SLC16A10: variants seen among roughly 807,000 people sequenced by gnomAD.
SLC16A10 encodes the protein monocarboxylate transporter 10.
A neutral mutation model predicts 40.0 loss-of-function variants in SLC16A10; 27 were observed. That is an observed-to-expected ratio of 0.67 (90% CI 0.50 to 0.93). SLC16A10 has a LOEUF of 0.93. Ranked by LOEUF, SLC16A10 falls within the 40% of genes least tolerant of loss-of-function variation. The probability of loss-of-function intolerance (pLI) is 0.00; values close to 1 mark genes in which losing one functional copy is unlikely to be tolerated. For synonymous variants in SLC16A10, 213 were observed against 249.8 expected (o/e 0.85, Z 1.39); for missense variants, 529 against 658.2 (o/e 0.80, Z 2.15).
chr6:111,094,806 T>TA (rs1342379186), intron 1 of SLC16A10, among the ~76,000 whole-genome samples: 3 of 152,028 alleles, frequency 2.0e-5, no homozygotes, highest in Admixed American at 6.5e-5. Context: ...GCCGGCTAAT[T>TA]AAAAAAAATT....
chr6:111,230,846 C>G lies in SLC16A10; in HGVS notation c.*8611C>G, dbSNP rs1771104187. Reference sequence around the variant, plus strand: ...GAAAAACACACTTTATCTTAGACACCAAAGCCAAATTATTCCAAGTGTATG... The same window carrying G: ...GAAAAACACACTTTATCTTAGACACGAAAGCCAAATTATTCCAAGTGTATG... On this transcript the variant is annotated 3_prime_UTR_variant, in exon 6 of 6. Coordinates refer to ENST00000368851, the MANE Select transcript of SLC16A10 (RefSeq NM_018593.5). 1 of 151,734 alleles carries G rather than the reference C, an allele frequency of 6.6e-6. No individual in the cohort carries two copies. Among genetic ancestry groups the G allele is most frequent in the Admixed American group, 6.6e-5 (1 of 15,220 alleles). The allele number at this position is 151,734 out of a possible 1,614,324, so 9.4% of individuals were successfully genotyped here.
chr6:111,217,561 T>G (rs1395989805), intron 4 of SLC16A10, among the ~76,000 whole-genome samples: 1 of 151,960 alleles, frequency 6.6e-6, no homozygotes, highest in Admixed American at 6.6e-5. Flanking sequence ...GCCATTCTCC[T>G]GCCTTAGCCT....
chr6:111,107,818 T>A (rs1359937915), intron 1 of SLC16A10, among the ~76,000 whole-genome samples: 2 of 152,206 alleles, frequency 1.3e-5, no homozygotes, highest in Non-Finnish European at 2.9e-5. Context: ...TTGTTGACTT[T>A]CTGGGGAGCC....
intron 1 of SLC16A10, among the ~76,000 whole-genome samples, chr6:111,139,551 C>T (rs768734904): frequency 3.3e-5 from 5 of 152,272 alleles, no homozygotes; most frequent in Admixed American, 6.5e-5. Context: ...CTGCCTGCCT[C>T]GGCCCCCAAA....
intron 2 of SLC16A10, among the ~76,000 whole-genome samples, chr6:111,173,041 C>G (rs1277704682): frequency 6.6e-6 from 1 of 152,014 alleles, no homozygotes; most frequent in Non-Finnish European, 1.5e-5. Context: ...TCTTGTAATG[C>G]CTAAGACTTA....
chr6:111,181,648 A>G (rs1236950715), intron 3 of SLC16A10, among the ~76,000 whole-genome samples: 1 of 152,196 alleles, frequency 6.6e-6, no homozygotes, highest in Non-Finnish European at 1.5e-5. Flanking sequence ...TCTCATTGCT[A>G]TGTTAAAAAT....
chr6:111,213,387 A>G (rs571745497), intron 4 of SLC16A10, among the ~76,000 whole-genome samples: 126 of 152,338 alleles, frequency 8.3e-4, no homozygotes, highest in Middle Eastern at 3.4e-3. Flanking sequence ...AAATATATTC[A>G]TGAGTTACTT....
At chr6:111,099,860 G>A (rs1447578627) in intron 1 of SLC16A10, among the ~76,000 whole-genome samples, 5 of 151,414 alleles carry the variant, frequency 3.3e-5, no homozygotes, top group South Asian at 4.2e-4. Context: ...CCATCTCTAC[G>A]AAAAATGCAA....
chr6:111,116,934 C>T (rs1007903293), intron 1 of SLC16A10, among the ~76,000 whole-genome samples: 8 of 152,248 alleles, frequency 5.3e-5, no homozygotes, highest in African/African-American at 1.7e-4. Flanking sequence ...AAAACTAAAA[C>T]ATTTTAAGCC....
intron 1 of SLC16A10, among the ~76,000 whole-genome samples, chr6:111,096,854 T>C (rs1562395601): frequency 6.6e-6 from 1 of 152,274 alleles, no homozygotes; most frequent in East Asian, 1.9e-4. Context: ...GGTCTTGCTC[T>C]CTTGCTCAGA....
intron 1 of SLC16A10, among the ~76,000 whole-genome samples, chr6:111,097,731 A>G (rs775717913): frequency 6.6e-6 from 1 of 152,096 alleles, no homozygotes; most frequent in Non-Finnish European, 1.5e-5. Flanking sequence ...CCCCTCTAGA[A>G]CTTCTGATCT....
chr6:111,107,685 A>C (rs1029615168), intron 1 of SLC16A10, among the ~76,000 whole-genome samples: 1 of 152,222 alleles, frequency 6.6e-6, no homozygotes, highest in Non-Finnish European at 1.5e-5. Context: ...TATGATGCTG[A>C]AGACAAAGCA....
intron 1 of SLC16A10, among the ~76,000 whole-genome samples, chr6:111,159,468 C>G (rs546152269): frequency 6.6e-6 from 1 of 152,242 alleles, no homozygotes; most frequent in African/African-American, 2.4e-5. Context: ...CAGTAGTTCA[C>G]TCTTATTTAT....
At chr6:111,160,326 C>T (rs1583335434) in intron 1 of SLC16A10, among the ~76,000 whole-genome samples, 2 of 152,334 alleles carry the variant, frequency 1.3e-5, no homozygotes, top group East Asian at 3.9e-4. Context: ...GCAACCTCCA[C>T]CTCCTGGGTT....
intron 3 of SLC16A10, among the ~76,000 whole-genome samples, chr6:111,195,403 C>T (rs992850143): frequency 5.3e-5 from 8 of 151,978 alleles, no homozygotes; most frequent in Non-Finnish European, 1.0e-4. Flanking sequence ...TTAATGGGCA[C>T]AGAGTTTCAG....
chr6:111,215,075 C>T (rs952883703), intron 4 of SLC16A10, among the ~76,000 whole-genome samples: 2 of 151,440 alleles, frequency 1.3e-5, no homozygotes, highest in African/African-American at 4.9e-5. Flanking sequence ...GTCGAGATCG[C>T]GCCACTGCAC....
intron 1 of SLC16A10, among the ~76,000 whole-genome samples, chr6:111,155,954 A>G (rs915410171): frequency 6.6e-6 from 1 of 152,200 alleles, no homozygotes; most frequent in Non-Finnish European, 1.5e-5. Context: ...TGATGATAAT[A>G]TATAAGATTA....
chr6:111,169,361 G>C (rs965657524), intron 1 of SLC16A10, among the ~76,000 whole-genome samples: 10 of 152,302 alleles, frequency 6.6e-5, no homozygotes, highest in African/African-American at 2.4e-4. Flanking sequence ...GCTATGGCCA[G>C]AAGGAACTCT....
At chr6:111,221,356 C>T (rs1255389756) in intron 5 of SLC16A10, among the ~76,000 whole-genome samples, 1 of 152,156 alleles carries the variant, frequency 6.6e-6, no homozygotes, top group Non-Finnish European at 1.5e-5. Flanking sequence ...AACAACCTAA[C>T]TTTCATCCAA....
Sources: gnomAD v4.1 joint callset for allele counts (sites outside exome capture counted in the v4.1 genomes callset) on GRCh38, gnomAD v4.1.1 for gene constraint, MANE v1.5 for transcripts, NCBI Gene and HGNC (gene_info 2026-07-23, HGNC 2026-07-21) for gene names.